GPC5: variants seen among roughly 807,000 people sequenced by gnomAD.
GPC5 encodes glypican-5.
In GPC5, 47 loss-of-function variants were observed where a neutral mutation model predicts 53.9. The ratio of observed to expected loss-of-function variants is 0.87; its 90% CI spans 0.69 to 1.11. GPC5 has a LOEUF of 1.11. Ranked by LOEUF, GPC5 falls within the 50% of genes most tolerant of loss-of-function variation. The probability of loss-of-function intolerance (pLI) is 0.00; values close to 1 mark genes in which losing one functional copy is unlikely to be tolerated. For missense variants in GPC5, 748 were observed against 713.1 expected (o/e 1.05, Z -0.56); for synonymous variants, 286 against 263.3 (o/e 1.09, Z -0.84).
intron 7 of GPC5, among the ~76,000 whole-genome samples, chr13:92,291,880 T>C (rs2042999229): frequency 6.6e-6 from 1 of 152,172 alleles, no homozygotes; most frequent in South Asian, 2.1e-4. Flanking sequence ...AGCTTCACTC[T>C]TGAGCCAGTG....
intron 5 of GPC5, among the ~76,000 whole-genome samples, chr13:91,877,764 A>C (rs1309508375): frequency 6.6e-6 from 1 of 152,182 alleles, no homozygotes; most frequent in African/African-American, 2.4e-5. Flanking sequence ...TGAGGACATA[A>C]GATTTGGAGG....
intron 2 of GPC5, among the ~76,000 whole-genome samples, chr13:91,536,376 C>G (rs1251849829): frequency 1.3e-5 from 2 of 152,002 alleles, no homozygotes; most frequent in Non-Finnish European, 2.9e-5. Context: ...CTAGTGGCCT[C>G]GAGAAATAAC....
intron 7 of GPC5, among the ~76,000 whole-genome samples, chr13:92,400,933 T>C (rs1005295139): frequency 1.3e-5 from 2 of 149,234 alleles, no homozygotes; most frequent in Non-Finnish European, 3.0e-5. Context: ...CTTTTTTTTT[T>C]GCCCCCTTGG....
intron 6 of GPC5, among the ~76,000 whole-genome samples, chr13:91,972,638 A>G (rs931581794): frequency 2.0e-4 from 31 of 152,194 alleles, no homozygotes; most frequent in Non-Finnish European, 4.3e-4. Flanking sequence ...TGCTTCCTTC[A>G]GGAGCTCTTT....
At chr13:92,155,573 G>T (rs535827696) in intron 7 of GPC5, among the ~76,000 whole-genome samples, 3 of 151,746 alleles carry the variant, frequency 2.0e-5, no homozygotes, top group African/African-American at 7.3e-5. Flanking sequence ...CCTATTTTTC[G>T]TTTGTTGAAT....
At chr13:92,065,106 A>C (rs1029637684) in intron 6 of GPC5, among the ~76,000 whole-genome samples, 1 of 152,214 alleles carries the variant, frequency 6.6e-6, no homozygotes, top group Non-Finnish European at 1.5e-5. Flanking sequence ...CTGAAAGGTC[A>C]GTTAAATTCG....
At chr13:92,298,431 A>G (rs564335897) in intron 7 of GPC5, among the ~76,000 whole-genome samples, 1 of 152,206 alleles carries the variant, frequency 6.6e-6, no homozygotes, top group African/African-American at 2.4e-5. Flanking sequence ...GCCACCTTCT[A>G]GAAGGACCCC....
At chr13:92,335,081 C>G (rs1458763018) in intron 7 of GPC5, among the ~76,000 whole-genome samples, 1 of 152,110 alleles carries the variant, frequency 6.6e-6, no homozygotes, top group African/African-American at 2.4e-5. Context: ...TTGGGGGGGA[C>G]TCCAACCCCA....
intron 3 of GPC5, among the ~76,000 whole-genome samples, chr13:91,709,374 T>G (rs532662188): frequency 6.6e-6 from 1 of 152,324 alleles, no homozygotes; most frequent in Non-Finnish European, 1.5e-5. Context: ...TACCACCACT[T>G]TACCTTTGTC....
chr13:92,437,869 T>C (rs1241401003), intron 7 of GPC5, among the ~76,000 whole-genome samples: 2 of 152,124 alleles, frequency 1.3e-5, no homozygotes, highest in African/African-American at 2.4e-5. Context: ...GCTGTAAATC[T>C]CTCTGGATCT....
chr13:92,833,201 A>C (rs1303644371), intron 7 of GPC5, among the ~76,000 whole-genome samples: 1 of 152,186 alleles, frequency 6.6e-6, no homozygotes, highest in Non-Finnish European at 1.5e-5. Context: ...AAGCCAACAG[A>C]AAGAGGGAGG....
chr13:92,103,227 A>G (rs1157708103), intron 6 of GPC5, among the ~76,000 whole-genome samples: 4 of 152,130 alleles, frequency 2.6e-5, no homozygotes, highest in Admixed American at 2.6e-4. Flanking sequence ...GAGGTTTGAC[A>G]AAGGAAAACG....
intron 6 of GPC5, among the ~76,000 whole-genome samples, chr13:91,936,529 G>A (rs374464128): frequency 6.6e-5 from 10 of 152,018 alleles, no homozygotes; most frequent in East Asian, 3.9e-4. Flanking sequence ...AACTTGTAAC[G>A]AAAGTATACA....
At chr13:91,593,225 A>G (rs1352851470) in intron 2 of GPC5, among the ~76,000 whole-genome samples, 1 of 152,116 alleles carries the variant, frequency 6.6e-6, no homozygotes, top group African/African-American at 2.4e-5. Flanking sequence ...CACCTCACAC[A>G]GGGTTCCTAG....
In GPC5 at chr13:91,871,546, A is replaced by G. The variant is rs560401509; in HGVS notation, c.1281-36391A>G. On this transcript the variant is annotated intron_variant, in intron 5 of 7. Transcript: ENST00000377067. The stretch of plus-strand genomic sequence containing the variant: ...GGAATATATAGCAATAGTGCATAGT[A>G]CTACCTTTAAAATTAAAAAATACAG... Among the ~76,000 whole-genome samples the G allele has an allele frequency of 2.0e-5, 3 of 152,322 alleles. No homozygotes were observed. In the East Asian group the frequency reaches 5.8e-4, roughly 29 times the overall value.
intron 2 of GPC5, among the ~76,000 whole-genome samples, chr13:91,617,546 G>A (rs751380046): frequency 9.9e-5 from 15 of 152,046 alleles, no homozygotes; most frequent in South Asian, 2.1e-4. Flanking sequence ...GTCTTGGATA[G>A]GATGCTAAGA....
intron 6 of GPC5, among the ~76,000 whole-genome samples, chr13:92,142,929 G>A (rs1259584874): frequency 6.6e-6 from 1 of 152,096 alleles, no homozygotes; most frequent in Non-Finnish European, 1.5e-5. Context: ...TCATATAATT[G>A]CATTTTTAAC....
chr13:92,521,608 C>T (rs1371733839), intron 7 of GPC5, among the ~76,000 whole-genome samples: 4 of 152,188 alleles, frequency 2.6e-5, no homozygotes, highest in Admixed American at 2.0e-4. Flanking sequence ...CTTCCTCACA[C>T]CTTATACAAA....
chr13:92,286,412 G>T (rs2042955129), intron 7 of GPC5, among the ~76,000 whole-genome samples: 1 of 152,096 alleles, frequency 6.6e-6, no homozygotes, highest in Non-Finnish European at 1.5e-5. Flanking sequence ...TACAAATCAT[G>T]CTGCTATAAA....
Sources: allele counts gnomAD v4.1 joint callset (sites outside exome capture counted in the v4.1 genomes callset), GRCh38; gene constraint gnomAD v4.1.1; transcripts MANE v1.5; gene names NCBI Gene and HGNC (gene_info 2026-07-23, HGNC 2026-07-21).